FBXL5: variants seen among roughly 807,000 people sequenced by gnomAD.
FBXL5 encodes F-box and leucine rich repeat protein 5.
A neutral mutation model predicts 78.3 loss-of-function variants in FBXL5; 26 were observed. That is an observed-to-expected ratio of 0.33 (90% CI 0.24 to 0.46). The LOEUF (loss-of-function observed/expected upper bound fraction) is 0.46. Ranked by LOEUF, FBXL5 falls within the 20% of genes least tolerant of loss-of-function variation. The pLI is 1.00. For synonymous variants in FBXL5, 295 were observed against 282.5 expected (o/e 1.04, Z -0.45); for missense variants, 710 against 829.2 (o/e 0.86, Z 1.77).
chr4:15,680,113 A>G (rs1342028429), intron 1 of FBXL5, among the ~76,000 whole-genome samples: 1 of 152,028 alleles, frequency 6.6e-6, no homozygotes, highest in Non-Finnish European at 1.5e-5. Flanking sequence ...ATACAGTAAA[A>G]CAGGAAAAAA....
upstream of FBXL5, among the ~76,000 whole-genome samples, chr4:15,662,120 GAAC>G (rs1449982708): frequency 2.0e-5 from 3 of 150,632 alleles, no homozygotes; most frequent in Non-Finnish European, 4.5e-5. Context: ...TGGTCATACA[GAAC>G]AACCCCAGTA....
upstream of FBXL5, among the ~76,000 whole-genome samples, chr4:15,659,460 G>A (rs756701098): frequency 2.2e-4 from 33 of 152,148 alleles, no homozygotes; most frequent in Admixed American, 1.3e-4. Context: ...GTAAGATTCA[G>A]TTCTGGGAAT....
At chr4:15,607,743 G>T (rs912278387) in intron 10 of FBXL5, among the ~76,000 whole-genome samples, 1 of 152,054 alleles carries the variant, frequency 6.6e-6, no homozygotes, top group South Asian at 2.1e-4. Context: ...CTGCCTCACT[G>T]CCATTCTCCT....
intron 5 of FBXL5, among the ~76,000 whole-genome samples, chr4:15,633,808 C>T (rs1042342596): frequency 2.6e-5 from 4 of 152,086 alleles, no homozygotes; most frequent in African/African-American, 9.7e-5. Context: ...CCTTGTTGCC[C>T]GGGGTGATCT....
intron 5 of FBXL5, among the ~76,000 whole-genome samples, chr4:15,635,305 C>T (rs1714137811): frequency 6.6e-6 from 1 of 150,410 alleles, no homozygotes; most frequent in Non-Finnish European, 1.5e-5. Context: ...TGAGCTACAG[C>T]CTAGGTGAGA....
At chr4:15,659,179 C>T (rs1488919710), upstream of FBXL5, among the ~76,000 whole-genome samples, 1 of 152,158 alleles carries the variant, frequency 6.6e-6, no homozygotes, top group Non-Finnish European at 1.5e-5. Flanking sequence ...AAGTACCTGA[C>T]ATTATGTAAT....
At chr4:15,652,271 A>G (rs1716169793) in intron 1 of FBXL5, among the ~76,000 whole-genome samples, 1 of 152,234 alleles carries the variant, frequency 6.6e-6, no homozygotes, top group Non-Finnish European at 1.5e-5. Flanking sequence ...GTTCCCAAAA[A>G]AGTAAGAAAC....
intron 1 of FBXL5, among the ~76,000 whole-genome samples, chr4:15,670,022 T>C (rs1717695423): frequency 6.6e-6 from 1 of 152,238 alleles, no homozygotes; most frequent in African/African-American, 2.4e-5. Flanking sequence ...AGCTACTGTA[T>C]TGTTATATCT....
At position 15,625,643 on chromosome 4, in the gene FBXL5, A is replaced by C. The variant is rs1248640963; in HGVS notation, c.1459T>G (p.Leu487Val). The C allele has an allele frequency of 6.2e-7, 1 of 1,614,216 alleles. No individual in the cohort carries two copies. The highest frequency in any genetic ancestry group is 2.2e-5 in the East Asian group (1 of 44,886). The stretch of plus-strand genomic sequence containing the variant: ...TCCACAGTATCTTCAATATCAGCCA[A>C]ATCTTCAGCATCTAACATCCACACA... ...PYVWMLDAED[L>V]ADIEDTVEWR... Residue 487 changes from leucine (L) to valine (V), a missense_variant, in exon 9 of 11, where the codon TTG becomes GTG. By Grantham distance (32) the Leu-to-Val change is conservative. Around this residue, in one of 4 missense-constraint regions of FBXL5, gnomAD observed 517 missense variants for 542.9 expected, o/e 0.95. Coordinates refer to ENST00000341285, the MANE Select transcript of FBXL5 (RefSeq NM_012161.4).
intron 3 of FBXL5, 32 bp from the exon 4 acceptor site, chr4:15,638,726 T>C: frequency 7.2e-7 from 1 of 1,388,250 alleles, no homozygotes; most frequent in Non-Finnish European, 1.0e-6. Flanking sequence ...CGAGGAAAGA[T>C]GCTTCATTCG....
chr4:15,627,061 TA>T (rs565485676), intron 7 of FBXL5, 106 bp from the exon 8 acceptor site: 350 of 455,700 alleles, frequency 7.7e-4, no homozygotes, highest in South Asian at 1.2e-3. Context: ...TTTGTGAATA[TA>T]AAAAAAAATC....
chr4:15,620,387 T>C (rs773742040), intron 9 of FBXL5, among the ~76,000 whole-genome samples: 2 of 151,940 alleles, frequency 1.3e-5, no homozygotes, highest in African/African-American at 4.8e-5. Context: ...GCAATCCCTA[T>C]CAAAATCTCA....
chr4:15,630,566 G>A (rs187331068), intron 6 of FBXL5, 100 bp downstream of exon 6: 104 of 1,157,562 alleles, frequency 9.0e-5, no homozygotes, highest in Middle Eastern at 3.0e-4. Flanking sequence ...AGTTTCTTTA[G>A]AAAACACAAA....
chr4:15,636,760 A>C, intron 4 of FBXL5, 84 bp from the exon 5 acceptor site: 10 of 986,006 alleles, frequency 1.0e-5, no homozygotes, highest in Non-Finnish European at 1.5e-5. Flanking sequence ...TATAAACAAA[A>C]TCCAGTGCCT....
chr4:15,638,843 T>C (rs1164693856), intron 3 of FBXL5, 149 bp from the exon 4 acceptor site: 1 of 562,332 alleles, frequency 1.8e-6, no homozygotes, highest in African/African-American at 1.9e-5. Context: ...TGAGTTAGTT[T>C]ATCTAAAAAT....
intron 2 of FBXL5, among the ~76,000 whole-genome samples, chr4:15,644,195 C>T (rs1049371899): frequency 6.6e-5 from 10 of 152,110 alleles, no homozygotes; most frequent in African/African-American, 2.2e-4. Flanking sequence ...AGCAAGAATC[C>T]CCTTGGCCTT....
intron 1 of FBXL5, among the ~76,000 whole-genome samples, chr4:15,653,001 A>G (rs1716309449): frequency 6.6e-6 from 1 of 152,236 alleles, no homozygotes; most frequent in Admixed American, 6.5e-5. Context: ...TTACTGAACC[A>G]TTACAAAATA....
chr4:15,642,443 C>T (rs530309126), intron 2 of FBXL5, among the ~76,000 whole-genome samples: 1 of 152,000 alleles, frequency 6.6e-6, no homozygotes, highest in Non-Finnish European at 1.5e-5. Flanking sequence ...ACCACATTGG[C>T]CAGGCTGGTC....
At chr4:15,626,119 A>T in intron 8 of FBXL5, 142 bp from the exon 9 acceptor site, 1 of 811,516 alleles carries the variant, frequency 1.2e-6, no homozygotes, top group African/African-American at 1.7e-5. Context: ...TCTATTGTTA[A>T]GGTACTATTC....
Sources: gnomAD v4.1 joint callset for allele counts (sites outside exome capture counted in the v4.1 genomes callset) on GRCh38, gnomAD v4.1.1 for gene constraint, gnomAD v4.1.1 regional missense constraint, MANE v1.5 for transcripts, NCBI Gene and HGNC (gene_info 2026-07-23, HGNC 2026-07-21) for gene names.